The following NBEA variants were observed in gnomAD, a reference collection of about 807,000 sequenced individuals.
NBEA encodes lysosomal-trafficking regulator 2.
NBEA carries 44 observed loss-of-function variants against 343.4 expected under a neutral mutation model. That is an observed-to-expected ratio of 0.13 (90% CI 0.10 to 0.16). The LOEUF (loss-of-function observed/expected upper bound fraction) is 0.16. NBEA is among the 10% of genes least tolerant of loss of function. NBEA has a pLI of 1.00. For missense variants in NBEA, 2,555 were observed against 3,631.3 expected, an observed-to-expected ratio of 0.70 and a Z score of 7.62; for synonymous variants, 1,175 against 1,238.7, an observed-to-expected ratio of 0.95 and a Z score of 1.08.
intron 41 of NBEA, chr13:35,476,302 GCTGC>G: frequency 4.7e-6 from 2 of 429,424 alleles, no homozygotes; most frequent in African/African-American, 4.6e-5. Context: ...TTTCCCTGCT[GCTGC>G]TGCTGCTGCT....
intron 39 of NBEA, among the ~76,000 whole-genome samples, chr13:35,444,375 A>G (rs1387860098): frequency 2.0e-5 from 3 of 152,152 alleles, no homozygotes; most frequent in South Asian, 2.1e-4. Context: ...AGTTTTAATG[A>G]GAAAAAGTAA....
At chr13:35,664,837 G>A (rs1011872068) in intron 55 of NBEA, among the ~76,000 whole-genome samples, 17 of 152,186 alleles carry the variant, frequency 1.1e-4, no homozygotes, top group Non-Finnish European at 1.6e-4. Context: ...TACCACTCTC[G>A]TTACGTTCTA....
At chr13:35,188,167 G>A (rs1028803447) in intron 30 of NBEA, among the ~76,000 whole-genome samples, 1 of 151,366 alleles carries the variant, frequency 6.6e-6, no homozygotes, top group Non-Finnish European at 1.5e-5. Flanking sequence ...TATTTATGGT[G>A]TACAATGTGA....
At chr13:35,662,074 TA>T (rs1333266677) in intron 55 of NBEA, among the ~76,000 whole-genome samples, 1 of 152,204 alleles carries the variant, frequency 6.6e-6, no homozygotes, top group Non-Finnish European at 1.5e-5. Context: ...ACCATCTCAC[TA>T]AAAAACCTCT....
intron 58 of NBEA, 38 bp downstream of exon 58, chr13:35,668,557 T>C (rs771812988): frequency 6.6e-6 from 10 of 1,521,918 alleles, no homozygotes; most frequent in South Asian, 6.5e-5. Flanking sequence ...CACTGAGAAC[T>C]GTCATTGAAG....
At chr13:34,999,150 G>A (rs1451624307) in intron 1 of NBEA, among the ~76,000 whole-genome samples, 1 of 151,930 alleles carries the variant, frequency 6.6e-6, no homozygotes, top group Non-Finnish European at 1.5e-5. Context: ...AAACAAAATT[G>A]GGGTAAGAAT....
chr13:35,188,116 C>A (rs2071859565), intron 30 of NBEA, among the ~76,000 whole-genome samples: 1 of 151,992 alleles, frequency 6.6e-6, no homozygotes. Context: ...AGAATGTATG[C>A]TTCAAGAGGG....
chr13:35,124,771 C>G (rs374123529), intron 17 of NBEA, among the ~76,000 whole-genome samples: 52 of 149,526 alleles, frequency 3.5e-4, no homozygotes, highest in African/African-American at 1.3e-3. Context: ...TATATATACA[C>G]ACATATATGG....
At chr13:35,300,998 A>G (rs1286770592) in intron 35 of NBEA, among the ~76,000 whole-genome samples, 1 of 152,156 alleles carries the variant, frequency 6.6e-6, no homozygotes, top group Non-Finnish European at 1.5e-5. Context: ...TCATTCACAA[A>G]TTATTAAACA....
chr13:35,410,730 T>A (rs981218589), intron 38 of NBEA, among the ~76,000 whole-genome samples: 1 of 152,070 alleles, frequency 6.6e-6, no homozygotes, highest in African/African-American at 2.4e-5. Context: ...AAGAAAAGGG[T>A]ACCCTTTACA....
intron 1 of NBEA, among the ~76,000 whole-genome samples, chr13:34,953,060 T>C (rs926756948): frequency 1.3e-5 from 2 of 152,208 alleles, no homozygotes; most frequent in Non-Finnish European, 2.9e-5. Context: ...TTGATAATGA[T>C]GATGATGACA....
At chr13:35,070,242 A>C in intron 9 of NBEA, 137 bp downstream of exon 9, 2 of 797,508 alleles carry the variant, frequency 2.5e-6, no homozygotes, top group Non-Finnish European at 1.9e-6. Flanking sequence ...TTTTAAGTGA[A>C]ACTTTAAAGA....
intron 1 of NBEA, among the ~76,000 whole-genome samples, chr13:34,979,542 A>G (rs112791721): frequency 2.0e-5 from 3 of 152,026 alleles, no homozygotes; most frequent in Admixed American, 6.6e-5. Flanking sequence ...AAGAAAAACA[A>G]TTTTCCCCTG....
At chr13:35,638,063 G>C (rs981669125) in intron 49 of NBEA, among the ~76,000 whole-genome samples, 38 of 152,256 alleles carry the variant, frequency 2.5e-4, no homozygotes, top group Middle Eastern at 6.8e-3. Context: ...ATCTTAACGA[G>C]TCAAAATCAT....
chr13:35,479,238 G>T (rs1217748662), intron 41 of NBEA, among the ~76,000 whole-genome samples: 2 of 152,188 alleles, frequency 1.3e-5, no homozygotes, highest in African/African-American at 2.4e-5. Flanking sequence ...AGGAGCTGAA[G>T]GTGATTTACA....
chr13:35,006,695 G>A (rs976024510), intron 1 of NBEA, among the ~76,000 whole-genome samples: 2 of 151,954 alleles, frequency 1.3e-5, no homozygotes, highest in Admixed American at 6.6e-5. Context: ...TTTCCTTCAC[G>A]TTTAAAGGAT....
Position 35,667,359 on chromosome 13 carries a change from G to A in NBEA, c.8465-15G>A. On this transcript the variant is annotated splice_polypyrimidine_tract_variant and intron_variant, in intron 56 of 58. Coordinates refer to ENST00000379939, the MANE Select transcript of NBEA (RefSeq NM_001385012.1). ...GTCCCCAACTGACCCTGGCATTGATGTCCCCACTTTGCAGAGGGCCCTTGC... is the reference window on the plus strand; with the variant it reads ...GTCCCCAACTGACCCTGGCATTGATATCCCCACTTTGCAGAGGGCCCTTGC... 1 of 1,610,782 alleles carries A rather than the reference G, an allele frequency of 6.2e-7. No individual in the cohort carries two copies. The highest frequency in any genetic ancestry group is 8.5e-7 in the Non-Finnish European group (1 of 1,178,002).
rs111700350 is a variant in NBEA at position 35,041,922 on chromosome 13, C to T, written c.526+758C>T. Among the ~76,000 whole-genome samples the T allele has an allele frequency of 1.3e-3, 195 of 151,984 alleles. 1 individual carries two copies. The highest frequency in any genetic ancestry group is 4.4e-3 in the African/African-American group (181 of 41,548). On this transcript the variant is annotated intron_variant, in intron 2 of 58. Coordinates refer to ENST00000379939, the MANE Select transcript of NBEA (RefSeq NM_001385012.1). ...TAAAATGTTTATTTTTTGTAAGCCA[C>T]GAATCTTCAGCCTAAGTATCTTCTG... is the stretch of plus-strand genomic sequence containing the variant.
At chr13:35,388,402 G>A (rs9530528) in intron 38 of NBEA, among the ~76,000 whole-genome samples, 8,335 of 152,142 alleles carry the variant, frequency 0.055, 300 homozygotes, top group Non-Finnish European at 0.08. Context: ...CAAATAAGAT[G>A]CCTTTAATGT....
Sources: allele counts gnomAD v4.1 joint callset (sites outside exome capture counted in the v4.1 genomes callset), GRCh38; gene constraint gnomAD v4.1.1; transcripts MANE v1.5; gene names NCBI Gene and HGNC (gene_info 2026-07-23, HGNC 2026-07-21).